The following N4BP2L2 variants were observed in gnomAD, a reference collection of about 807,000 sequenced individuals.
The protein encoded by N4BP2L2 is NEDD4-binding protein 2-like 2.
A neutral mutation model predicts 56.2 loss-of-function variants in N4BP2L2; 50 were observed. That is an observed-to-expected ratio of 0.89 (90% CI 0.71 to 1.13). The LOEUF is 1.13. N4BP2L2 is among the 50% of genes most tolerant of loss of function. The probability of loss-of-function intolerance (pLI) is 0.00; values close to 1 mark genes in which losing one functional copy is unlikely to be tolerated. For missense variants in N4BP2L2, 689 were observed against 693.8 expected, an observed-to-expected ratio of 0.99 and a Z score of 0.08; for synonymous variants, 203 against 223.6, an observed-to-expected ratio of 0.91 and a Z score of 0.82.
intron 1 of N4BP2L2, among the ~76,000 whole-genome samples, 185 bp from the exon 2 acceptor site, chr13:32,537,212 T>A (rs1260932273): frequency 6.6e-6 from 1 of 151,910 alleles, no homozygotes; most frequent in Non-Finnish European, 1.5e-5. Context: ...AACATGGTGG[T>A]TTATGGGAGG....
chr13:32,496,791 G>A lies in N4BP2L2; in HGVS notation c.365+21066C>T, dbSNP rs185526114. Among the ~76,000 whole-genome samples, 475 of 152,228 alleles carry A rather than the reference G, an allele frequency of 3.1e-3. 4 individuals are homozygous for A. The highest frequency in any genetic ancestry group is 0.01 in the African/African-American group (432 of 41,556). Reference sequence around the variant, plus strand: ...CCACTTCCTGCTGAGCCCCACCTCTGACATGTTCCCCACCCACAGCTCCAG... The same window carrying A: ...CCACTTCCTGCTGAGCCCCACCTCTAACATGTTCCCCACCCACAGCTCCAG... On this transcript the variant is annotated intron_variant, in intron 6 of 9. Transcript: ENST00000357505.
chr13:32,449,477 T>C (rs2077547266), intron 6 of N4BP2L2, among the ~76,000 whole-genome samples: 1 of 152,168 alleles, frequency 6.6e-6, no homozygotes, highest in South Asian at 2.1e-4. Context: ...AAAGTTAAAC[T>C]GCACTGAACA....
intron 2 of N4BP2L2, among the ~76,000 whole-genome samples, chr13:32,531,524 T>C (rs996691224): frequency 5.3e-5 from 8 of 152,186 alleles, no homozygotes; most frequent in Non-Finnish European, 1.0e-4. Context: ...TGAACACTTT[T>C]CCTCCTTATC....
chr13:32,528,332 T>C lies in N4BP2L2; in HGVS notation c.1260-800A>G, dbSNP rs547310365. Among the ~76,000 whole-genome samples, 34 of 152,294 alleles carry C rather than the reference T, an allele frequency of 2.2e-4. 1 individual carries two copies. Among genetic ancestry groups the C allele is most frequent in the African/African-American group, 7.9e-4 (33 of 41,554 alleles). ...ATCCTCTAGTGAAAGTCGGAAATAGTTGGAGGCTTAAGGTTATGGAACAAT... is the reference window on the plus strand; with the variant it reads ...ATCCTCTAGTGAAAGTCGGAAATAGCTGGAGGCTTAAGGTTATGGAACAAT... On this transcript the variant is annotated intron_variant, in intron 2 of 5. Transcript: ENST00000267068.
chr13:32,456,160 A>G (rs186942283), intron 6 of N4BP2L2, among the ~76,000 whole-genome samples: 291 of 152,162 alleles, frequency 1.9e-3, no homozygotes, highest in Non-Finnish European at 3.3e-3. Flanking sequence ...CAGTGCCACC[A>G]CTTGGGCCTG....
intron 6 of N4BP2L2, chr13:32,444,260 T>C: frequency 1.6e-6 from 1 of 618,246 alleles, no homozygotes; most frequent in East Asian, 3.3e-5. Flanking sequence ...CACGTACTTT[T>C]TCTTTGTTTG....
chr13:32,490,565 A>G (rs963493811), intron 6 of N4BP2L2, among the ~76,000 whole-genome samples: 3 of 152,170 alleles, frequency 2.0e-5, no homozygotes, highest in African/African-American at 7.2e-5. Flanking sequence ...CCAGCCTCCC[A>G]AAGTGCTGGC....
intron 6 of N4BP2L2, among the ~76,000 whole-genome samples, chr13:32,504,245 C>T (rs1191240824): frequency 6.6e-6 from 1 of 152,176 alleles, no homozygotes; most frequent in Non-Finnish European, 1.5e-5. Context: ...TATTTATTTG[C>T]TAGGGTTCCC....
chr13:32,509,437 G>A (rs2091436867), downstream of N4BP2L2: 1 of 152,074 alleles, frequency 6.6e-6, no homozygotes, highest in South Asian at 2.1e-4. Context: ...GCTCTTCTTT[G>A]ATTACTGCTT....
chr13:32,469,334 C>T (rs891437785), intron 6 of N4BP2L2, among the ~76,000 whole-genome samples: 1 of 152,176 alleles, frequency 6.6e-6, no homozygotes. Flanking sequence ...GACAGGTCCC[C>T]TGTGAGTGTG....
chr13:32,437,622 T>TA (rs1322399646), intron 8 of N4BP2L2, among the ~76,000 whole-genome samples: 1 of 152,194 alleles, frequency 6.6e-6, no homozygotes, highest in Non-Finnish European at 1.5e-5. Flanking sequence ...TCAGAATAGT[T>TA]ACGTCTGTCA....
At chr13:32,521,735 G>C (rs767073264) in intron 4 of N4BP2L2, 9 of 301,608 alleles carry the variant, frequency 3.0e-5, no homozygotes, top group Non-Finnish European at 5.4e-5. Context: ...CAGCACTTTG[G>C]GAGGCTGAGC....
At chr13:32,454,222 A>G (rs1351303154) in intron 6 of N4BP2L2, among the ~76,000 whole-genome samples, 4 of 152,232 alleles carry the variant, frequency 2.6e-5, no homozygotes, top group African/African-American at 9.6e-5. Flanking sequence ...ATCCCAACAC[A>G]TACACAAAGA....
intron 3 of N4BP2L2, chr13:32,523,860 T>C (rs1014216403): frequency 2.6e-5 from 4 of 151,976 alleles, no homozygotes; most frequent in Non-Finnish European, 4.4e-5. Context: ...TAGGATGCAG[T>C]GTATACTGCT....
exon 6 of N4BP2L2, chr13:32,517,251 C>T (rs989574195): frequency 1.0e-6 from 1 of 986,192 alleles, no homozygotes; most frequent in Non-Finnish European, 1.2e-6. Context: ...TACTATCTAA[C>T]ATTTGCTGGG....
At chr13:32,479,750 A>T (rs2084186546) in intron 6 of N4BP2L2, among the ~76,000 whole-genome samples, 1 of 152,144 alleles carries the variant, frequency 6.6e-6, no homozygotes, top group African/African-American at 2.4e-5. Flanking sequence ...GGAAAAAGAC[A>T]TCTGCAGAAA....
intron 2 of N4BP2L2, among the ~76,000 whole-genome samples, chr13:32,532,896 TAA>T (rs1555276457): frequency 3.1e-4 from 45 of 145,434 alleles, no homozygotes; most frequent in Middle Eastern, 3.5e-3. Flanking sequence ...GGCCTTTTTT[TAA>T]AAAAAAAAAA....
At chr13:32,538,461 C>G (rs1193350704) in intron 1 of N4BP2L2, among the ~76,000 whole-genome samples, 157 bp downstream of exon 1, 1 of 152,150 alleles carries the variant, frequency 6.6e-6, no homozygotes, top group Non-Finnish European at 1.5e-5. Flanking sequence ...CAGACACGCT[C>G]AGGTCCTGTC....
Position 32,444,010 on chromosome 13 carries a change from T to A in N4BP2L2, c.482A>T (p.Glu161Val), listed in dbSNP as rs761857257. ...TCCCGGTGTAAGATCACTTAAGAAT[T>A]CTAATGAGTTTTCCTCCATGATTCT... Residue 161 changes from glutamate (E) to valine (V), a missense_variant, in exon 7 of 10, where the codon GAA (glutamate) becomes GTA (valine). Glu to Val is a moderately radical substitution (Grantham distance 121). Transcript: ENST00000357505. 6.8e-6 allele frequency: 11 copies of A among 1,609,224 alleles called. No individual in the cohort carries two copies. In the South Asian group the frequency reaches 1.2e-4, roughly 18 times the overall value.
Sources: allele counts gnomAD v4.1 joint callset (sites outside exome capture counted in the v4.1 genomes callset), GRCh38; gene constraint gnomAD v4.1.1; transcripts MANE v1.5; gene names NCBI Gene and HGNC (gene_info 2026-07-23, HGNC 2026-07-21).